Variants in SPOCK1 observed in about 807,000 individuals in gnomAD.
SPOCK1 encodes SPARC (osteonectin), cwcv and kazal like domains proteoglycan 1.
A neutral mutation model predicts 55.3 loss-of-function variants in SPOCK1; 23 were observed. The ratio of observed to expected loss-of-function variants is 0.42; its 90% CI spans 0.30 to 0.59. SPOCK1 has a LOEUF of 0.59. Among genes scored for constraint, SPOCK1 ranks in the 20% least tolerant of loss-of-function variants. The pLI, the probability that SPOCK1 is intolerant of heterozygous loss-of-function variation, is 0.22. For synonymous variants in SPOCK1, 226 were observed against 221.0 expected (o/e 1.02, Z -0.20); for missense variants, 499 against 552.5 (o/e 0.90, Z 0.97).
At chr5:137,433,794 G>C (rs1027647373) in intron 2 of SPOCK1, among the ~76,000 whole-genome samples, 3 of 152,148 alleles carry the variant, frequency 2.0e-5, no homozygotes, top group African/African-American at 7.2e-5. Flanking sequence ...TCTGGGCATT[G>C]TGCCCTTTGA....
intron 9 of SPOCK1, among the ~76,000 whole-genome samples, chr5:136,984,259 T>TACATTTGACAATCTGCAAGAAA (rs1398824082): frequency 6.6e-6 from 1 of 152,210 alleles, no homozygotes; most frequent in Non-Finnish European, 1.5e-5. Context: ...ATAGACTGCC[T>TACATTTGACAATCTGCAAGAAA]ACATTTGACA....
At chr5:137,387,498 G>A (rs924965164) in intron 2 of SPOCK1, among the ~76,000 whole-genome samples, 7 of 152,318 alleles carry the variant, frequency 4.6e-5, no homozygotes, top group Non-Finnish European at 7.3e-5. Context: ...AAGACATGGA[G>A]GAACTTCAAA....
At chr5:137,482,483 T>C (rs1486625156) in intron 2 of SPOCK1, among the ~76,000 whole-genome samples, 1 of 152,144 alleles carries the variant, frequency 6.6e-6, no homozygotes, top group Non-Finnish European at 1.5e-5. Flanking sequence ...GCCTCAAATG[T>C]ATATTGACCA....
intron 4 of SPOCK1, among the ~76,000 whole-genome samples, chr5:137,118,022 T>G (rs1424054673): frequency 6.6e-6 from 1 of 152,248 alleles, no homozygotes; most frequent in Non-Finnish European, 1.5e-5. Context: ...TATAAAGACA[T>G]GCAGCCTAGA....
intron 2 of SPOCK1, among the ~76,000 whole-genome samples, chr5:137,276,290 TTTG>T (rs931991082): frequency 5.9e-5 from 9 of 152,234 alleles, no homozygotes; most frequent in African/African-American, 1.9e-4. Context: ...TTACCCTTCT[TTTG>T]TTAACATTTA....
chr5:137,237,720 C>A (rs1580822571), intron 3 of SPOCK1, among the ~76,000 whole-genome samples: 2 of 152,342 alleles, frequency 1.3e-5, no homozygotes, highest in Middle Eastern at 6.8e-3. Flanking sequence ...GATGCAGTCT[C>A]TAAGGCACTG....
intron 5 of SPOCK1, among the ~76,000 whole-genome samples, chr5:137,086,812 A>C (rs908042796): frequency 1.3e-5 from 2 of 152,200 alleles, no homozygotes; most frequent in African/African-American, 4.8e-5. Flanking sequence ...AGAAACACTT[A>C]GCTTTCTACT....
intron 2 of SPOCK1, among the ~76,000 whole-genome samples, chr5:137,408,787 G>C (rs1752151860): frequency 6.6e-6 from 1 of 152,164 alleles, no homozygotes; most frequent in African/African-American, 2.4e-5. Context: ...AGATGTCAAG[G>C]AAAGAACATG....
At chr5:137,152,625 G>A (rs1324281600) in intron 3 of SPOCK1, among the ~76,000 whole-genome samples, 1 of 152,112 alleles carries the variant, frequency 6.6e-6, no homozygotes, top group East Asian at 1.9e-4. Context: ...TCCACCGGAG[G>A]GGTTGTTGAC....
In SPOCK1 at chr5:137,498,436, A is replaced by G. The variant is rs146905104; in HGVS notation, c.123T>C (p.Asn41=). 1 of 1,610,618 alleles carries G rather than the reference A, an allele frequency of 6.2e-7. No homozygotes were observed. The highest frequency in any genetic ancestry group is 8.5e-7 in the Non-Finnish European group (1 of 1,178,678). ...AGPNHGNFLD[N]DQWLSTVSQY... Reference sequence around the variant, plus strand: ...GGGAGACGGTGCTCAGCCACTGGTCATTGTCTAGGAAATTGCCGTGGTTGG... The same window carrying G: ...GGGAGACGGTGCTCAGCCACTGGTCGTTGTCTAGGAAATTGCCGTGGTTGG... Residue 41 remains asparagine (N), a synonymous_variant, in exon 2 of 11, where the codon AAT becomes AAC. Transcript: ENST00000394945.
chr5:137,386,975 A>G (rs1044663410), intron 2 of SPOCK1, among the ~76,000 whole-genome samples: 1 of 152,236 alleles, frequency 6.6e-6, no homozygotes, highest in African/African-American at 2.4e-5. Flanking sequence ...AAAATAGACA[A>G]CTTGATTTAA....
chr5:137,211,498 T>C (rs907094151), intron 3 of SPOCK1, among the ~76,000 whole-genome samples: 8 of 152,236 alleles, frequency 5.3e-5, no homozygotes, highest in African/African-American at 1.9e-4. Flanking sequence ...TGTTTTGTTC[T>C]ACTATTTGGT....
At chr5:137,448,898 G>A (rs935186525) in intron 2 of SPOCK1, among the ~76,000 whole-genome samples, 1 of 152,192 alleles carries the variant, frequency 6.6e-6, no homozygotes, top group Non-Finnish European at 1.5e-5. Flanking sequence ...AGCCCTGCCT[G>A]AGAGAAGAAG....
intron 3 of SPOCK1, among the ~76,000 whole-genome samples, chr5:137,144,323 C>A (rs1328351781): frequency 3.3e-5 from 5 of 152,154 alleles, no homozygotes; most frequent in African/African-American, 1.2e-4. Context: ...GCTAACATTT[C>A]TTTAAAAACA....
chr5:137,011,734 T>A lies in SPOCK1; in HGVS notation c.590-19134A>T, dbSNP rs75039481. Among the ~76,000 whole-genome samples, 26 of 152,352 alleles carry A rather than the reference T, an allele frequency of 1.7e-4. No homozygotes were observed. In the East Asian group the frequency reaches 5.0e-3, roughly 29 times the overall value. ...CCACTGTTATGGACTTTAGAACTCC[T>A]GGACAAGTCAAATTAGAGTACTTGG... On this transcript the variant is annotated intron_variant, in intron 6 of 10. Coordinates refer to ENST00000394945, the MANE Select transcript of SPOCK1 (RefSeq NM_004598.4).
intron 2 of SPOCK1, among the ~76,000 whole-genome samples, chr5:137,481,455 A>G (rs930351330): frequency 9.8e-5 from 15 of 152,354 alleles, no homozygotes; most frequent in Middle Eastern, 3.4e-3. Flanking sequence ...AAATATGGGA[A>G]GAAAATGATT....
chr5:137,282,026 G>A (rs938717829), intron 2 of SPOCK1, among the ~76,000 whole-genome samples: 1 of 152,112 alleles, frequency 6.6e-6, no homozygotes, highest in African/African-American at 2.4e-5. Context: ...ACCTTCCTAG[G>A]CTTCAGTTTC....
At chr5:137,081,387 A>G (rs2127013939) in intron 5 of SPOCK1, among the ~76,000 whole-genome samples, 1 of 152,324 alleles carries the variant, frequency 6.6e-6, no homozygotes, top group African/African-American at 2.4e-5. Flanking sequence ...TGAAAATGGA[A>G]AAACAGATAC....
At chr5:137,450,477 C>T (rs1458987536) in intron 2 of SPOCK1, among the ~76,000 whole-genome samples, 1 of 152,150 alleles carries the variant, frequency 6.6e-6, no homozygotes, top group Non-Finnish European at 1.5e-5. Flanking sequence ...GTACATGCAT[C>T]TCAGCACCTC....
Sources: gnomAD v4.1 joint callset for allele counts (sites outside exome capture counted in the v4.1 genomes callset) on GRCh38, gnomAD v4.1.1 for gene constraint, MANE v1.5 for transcripts, NCBI Gene and HGNC (gene_info 2026-07-23, HGNC 2026-07-21) for gene names.